The following SLC24A2 variants were observed in gnomAD, a reference collection of about 807,000 sequenced individuals.
SLC24A2 encodes the protein solute carrier family 24 member 2, also known as sodium/potassium/calcium exchanger 2.
A neutral mutation model predicts 62.0 loss-of-function variants in SLC24A2; 36 were observed. The ratio of observed to expected loss-of-function variants is 0.58; its 90% CI spans 0.44 to 0.77. SLC24A2 has a LOEUF of 0.77. Ranked by LOEUF, SLC24A2 falls within the 30% of genes least tolerant of loss-of-function variation. The pLI is 0.00. For missense variants in SLC24A2, 846 were observed against 817.9 expected (o/e 1.03, Z -0.42); for synonymous variants, 358 against 294.0 (o/e 1.22, Z -2.23).
chr9:20,067,273 G>A, the SLC24A2 span, among the ~76,000 whole-genome samples: 2 of 152,172 alleles, frequency 1.3e-5, no homozygotes, highest in Admixed American at 6.6e-5. Context: ...AACTCTTCAT[G>A]ATGTCCCAGG....
the SLC24A2 span, among the ~76,000 whole-genome samples, chr9:20,176,525 C>T: frequency 6.6e-6 from 1 of 151,948 alleles, no homozygotes; most frequent in South Asian, 2.1e-4. Flanking sequence ...TATAATCTTC[C>T]CCACTAGAAA....
intron 4 of SLC24A2, among the ~76,000 whole-genome samples, chr9:19,618,466 T>C (rs1366106129): frequency 6.6e-6 from 1 of 152,144 alleles, no homozygotes; most frequent in East Asian, 1.9e-4. Flanking sequence ...AGGAAGATGA[T>C]TTGTGATTGA....
chr9:20,262,535 C>A, the SLC24A2 span, among the ~76,000 whole-genome samples: 1 of 152,242 alleles, frequency 6.6e-6, no homozygotes, highest in Non-Finnish European at 1.5e-5. Context: ...CTAACCATAG[C>A]CCTGCTGCCT....
At chr9:19,844,392 G>C in the SLC24A2 span, among the ~76,000 whole-genome samples, 1 of 152,052 alleles carries the variant, frequency 6.6e-6, no homozygotes, top group African/African-American at 2.4e-5. Context: ...AATTGTTCAA[G>C]TTCCTTATAG....
rs552723614 is a variant in SLC24A2, at chr9:19,759,311, G to A, written c.930+26626C>T. ...GGTGTCCAGCCCATCAACAGATGGTGCCCAGCATTTTACCCATTAAACACC... is the reference window on the plus strand; with the variant it reads ...GGTGTCCAGCCCATCAACAGATGGTACCCAGCATTTTACCCATTAAACACC... On this transcript the variant is annotated intron_variant, in intron 2 of 10. Coordinates refer to ENST00000341998, the MANE Select transcript of SLC24A2 (RefSeq NM_020344.4). 3.9e-5 allele frequency among the ~76,000 whole-genome samples: 6 copies of A among 152,180 alleles called. No homozygotes were observed. In the South Asian group the frequency reaches 8.3e-4, roughly 21 times the overall value.
At chr9:19,562,161 G>C (rs551727427) in intron 7 of SLC24A2, among the ~76,000 whole-genome samples, 2 of 152,210 alleles carry the variant, frequency 1.3e-5, no homozygotes, top group African/African-American at 2.4e-5. Flanking sequence ...GGTTTTTGTT[G>C]TTTTCATGGG....
chr9:19,990,858 A>G, the SLC24A2 span, among the ~76,000 whole-genome samples: 2 of 146,224 alleles, frequency 1.4e-5, no homozygotes, highest in African/African-American at 5.1e-5. Flanking sequence ...TATCAAAAAA[A>G]AAAAAATAGT....
chr9:19,901,389 T>C, the SLC24A2 span, among the ~76,000 whole-genome samples: 22 of 152,286 alleles, frequency 1.4e-4, no homozygotes, highest in Middle Eastern at 3.4e-3. Context: ...AGAGACTTTA[T>C]TTCTTATAAG....
chr9:19,872,831 A>G, the SLC24A2 span, among the ~76,000 whole-genome samples: 1 of 152,164 alleles, frequency 6.6e-6, no homozygotes, highest in African/African-American at 2.4e-5. Context: ...ATACCATAGC[A>G]ATTTCATAGC....
intron 2 of SLC24A2, among the ~76,000 whole-genome samples, chr9:19,638,645 A>G (rs1564011201): frequency 1.3e-5 from 2 of 152,186 alleles, no homozygotes; most frequent in Admixed American, 6.5e-5. Context: ...GAAATATTTT[A>G]AAGAGTCCTG....
At chr9:19,701,634 A>T (rs1820359028) in intron 2 of SLC24A2, among the ~76,000 whole-genome samples, 4 of 152,228 alleles carry the variant, frequency 2.6e-5, no homozygotes, top group Non-Finnish European at 5.9e-5. Flanking sequence ...AAGACAGTAC[A>T]CTATTGCTTT....
intron 2 of SLC24A2, among the ~76,000 whole-genome samples, chr9:19,627,311 T>A (rs1016275829): frequency 2.6e-5 from 4 of 152,222 alleles, no homozygotes; most frequent in African/African-American, 9.6e-5. Flanking sequence ...TTCATGGTCA[T>A]GAAATATTTG....
chr9:20,178,022 T>C, the SLC24A2 span, among the ~76,000 whole-genome samples: 1 of 152,258 alleles, frequency 6.6e-6, no homozygotes, highest in African/African-American at 2.4e-5. Context: ...CTCACCATTC[T>C]AAGTAAATGA....
chr9:20,062,042 C>T, the SLC24A2 span, among the ~76,000 whole-genome samples: 1 of 152,058 alleles, frequency 6.6e-6, no homozygotes, highest in South Asian at 2.1e-4. Context: ...TCAACACCAG[C>T]CTGGGAAACA....
the SLC24A2 span, among the ~76,000 whole-genome samples, chr9:20,041,053 T>G: frequency 6.6e-6 from 1 of 152,260 alleles, no homozygotes; most frequent in Non-Finnish European, 1.5e-5. Flanking sequence ...GGACATCGAC[T>G]TTCTTTTAAA....
the SLC24A2 span, among the ~76,000 whole-genome samples, chr9:20,239,567 C>T: frequency 6.6e-6 from 1 of 152,166 alleles, no homozygotes; most frequent in Non-Finnish European, 1.5e-5. Flanking sequence ...AGGAAAAGGG[C>T]TGCTCTTGCC....
At chr9:19,530,443 G>A (rs893050832) in intron 8 of SLC24A2, among the ~76,000 whole-genome samples, 6 of 152,084 alleles carry the variant, frequency 3.9e-5, no homozygotes, top group Non-Finnish European at 7.3e-5. Flanking sequence ...TAGATTGCTC[G>A]TTTTCCAGGT....
At chr9:20,059,840 T>A in the SLC24A2 span, among the ~76,000 whole-genome samples, 12 of 151,724 alleles carry the variant, frequency 7.9e-5, no homozygotes, top group Non-Finnish European at 4.4e-5. Context: ...AGAAAAACAA[T>A]AGAGAAAATC....
intron 2 of SLC24A2, among the ~76,000 whole-genome samples, chr9:19,629,301 A>G (rs1818117551): frequency 6.6e-6 from 1 of 152,206 alleles, no homozygotes; most frequent in Admixed American, 6.5e-5. Context: ...CTTCAAATAT[A>G]GTAAAAAATA....
Sources: gnomAD v4.1 joint callset for allele counts (sites outside exome capture counted in the v4.1 genomes callset) on GRCh38, gnomAD v4.1.1 for gene constraint, MANE v1.5 for transcripts, NCBI Gene and HGNC (gene_info 2026-07-23, HGNC 2026-07-21) for gene names.